LTB4R: variants seen among roughly 807,000 people sequenced by gnomAD.
LTB4R encodes the protein leukotriene B4 receptor 1.
For synonymous variants in LTB4R, 250 were observed against 230.7 expected (o/e 1.08, Z -0.76); for missense variants, 470 against 485.6 (o/e 0.97, Z 0.30).
chr14:24,316,711 G>A lies in LTB4R; in HGVS notation c.*1G>A. ...TCTCAAGTTAAACGAACTGAACTAG[G>A]CCTGGTGGAAGGAGGCGCACTTTCC... is the stretch of plus-strand genomic sequence containing the variant. On this transcript the variant is annotated 3_prime_UTR_variant, in exon 2 of 2. Transcript: ENST00000345363. 1 of 1,521,180 alleles carries A rather than the reference G, an allele frequency of 6.6e-7. No homozygotes were observed. The highest frequency in any genetic ancestry group is 1.2e-5 in the South Asian group (1 of 82,078). 94.2% of individuals were successfully genotyped at this position (1,521,180 alleles called of 1,614,324 possible).
chr14:24,314,027 T>G (rs1345081158), intron 1 of LTB4R: 1 of 152,230 alleles, frequency 6.6e-6, no homozygotes, highest in African/African-American at 2.4e-5. Context: ...CTGTTCCTGC[T>G]CCCTCACTCC....
chr14:24,316,453 A>G lies in LTB4R; in HGVS notation c.802A>G (p.Asn268Asp). The G allele has an allele frequency of 6.4e-7, 1 of 1,569,346 alleles. No homozygotes were observed. The highest frequency in any genetic ancestry group is 8.6e-7 in the Non-Finnish European group (1 of 1,160,284). Residue 268 changes from asparagine (N) to aspartate (D), a missense_variant, in exon 2 of 2, where the codon AAC becomes GAC. Asn to Asp is a conservative substitution (Grantham distance 23). Coordinates refer to ENST00000345363, the MANE Select transcript of LTB4R (RefSeq NM_001143919.3). The stretch of plus-strand genomic sequence containing the variant: ...GGGGAAGCGGCTGAGCCTGGCCCGC[A>G]ACGTGCTCATCGCACTCGCCTTCCT... Reference protein sequence around the residue: ...LVGKRLSLARNVLIALAFLSS... With the variant: ...LVGKRLSLARDVLIALAFLSS...
Position 24,316,313 on chromosome 14 carries a change from G to A in LTB4R, c.662G>A (p.Arg221His), listed in dbSNP as rs1320647524. The A allele has an allele frequency of 7.5e-6, 12 of 1,600,808 alleles. No individual in the cohort carries two copies. The highest frequency in any genetic ancestry group is 1.0e-5 in the Non-Finnish European group (12 of 1,175,406). ...RRFRRSRRTG[R>H]LVVLIILTFA... is the part of the protein sequence containing the mutation. ...TTCCGCCGCAGCCGCCGCACCGGCC[G>A]CCTGGTGGTGCTCATCATCCTGACC... Residue 221 changes from arginine (R) to histidine (H), a missense_variant, in exon 2 of 2, where the codon CGC becomes CAC. Physicochemically the swap from Arg to His is conservative, Grantham distance 29 (BLOSUM62 0). Coordinates refer to ENST00000345363, the MANE Select transcript of LTB4R (RefSeq NM_001143919.3).
intron 1 of LTB4R, chr14:24,314,204 T>G (rs2041750099): frequency 6.6e-6 from 1 of 152,214 alleles, no homozygotes; most frequent in Admixed American, 6.5e-5. Context: ...AGGTAGGTGC[T>G]TGGGGAAAGG....
Position 24,316,026 on chromosome 14 carries a change from C to G in LTB4R, c.375C>G (p.Ser125=). 6.2e-7 allele frequency: 1 copy of G among 1,613,790 alleles called. No individual in the cohort carries two copies. The highest frequency in any genetic ancestry group is 8.5e-7 in the Non-Finnish European group (1 of 1,180,016). ...RSLAVARPFV[S]QKLRTKAMAR... is the part of the protein sequence containing the mutation. The stretch of plus-strand genomic sequence containing the variant: ...TGGCGGTGGCCCGCCCCTTTGTGTC[C>G]CAGAAGCTACGCACCAAGGCGATGG... Residue 125 remains serine (S), a synonymous_variant, in exon 2 of 2, where the codon TCC becomes TCG. Transcript: ENST00000345363.
Position 24,316,277 on chromosome 14 carries a change from A to G in LTB4R, c.626A>G (p.Gln209Arg). 1 of 1,609,090 alleles carries G rather than the reference A, an allele frequency of 6.2e-7. No homozygotes were observed. The highest frequency in any genetic ancestry group is 8.5e-7 in the Non-Finnish European group (1 of 1,178,348). The stretch of plus-strand genomic sequence containing the variant: ...TACTCGGACATAGGGCGTCGGCTAC[A>G]GGCCCGGCGCTTCCGCCGCAGCCGC... ...ASYSDIGRRL[Q>R]ARRFRRSRRT... The change falls in exon 2 of 2, where the codon CAG becomes CGG. Residue 209 changes from glutamine to arginine, a missense_variant. Coordinates refer to ENST00000345363, the MANE Select transcript of LTB4R (RefSeq NM_001143919.3).
rs2041774957 is a variant in LTB4R at position 24,316,507 on chromosome 14, G to A, written c.856G>A (p.Ala286Thr). ...CAGCAGCGTGAACCCCGTGCTGTAC[G>A]CGTGCGCCGGCGGCGGCCTGCTGCG... ...LSSSVNPVLY[A>T]CAGGGLLRSA... is the part of the protein sequence containing the mutation. Residue 286 changes from alanine (A) to threonine (T), a missense_variant, in exon 2 of 2, where the codon GCG becomes ACG. Transcript: ENST00000345363. 2.0e-6 allele frequency: 3 copies of A among 1,493,708 alleles called. No individual in the cohort carries two copies. Among genetic ancestry groups the A allele is most frequent in the Non-Finnish European group, 2.7e-6 (3 of 1,128,770 alleles). The allele number at this position is 1,493,708 out of a possible 1,614,324, so 92.5% of individuals were successfully genotyped here.
At position 24,311,831 on chromosome 14, in the gene LTB4R, C is replaced by T. The variant is rs73591421; in HGVS notation, c.-16+27C>T. ...TCAGTGTTCTGGGACATTTGGGGAC[C>T]CTTCTTTGACTAGAGTTTGGATCTG... On this transcript the variant is annotated intron_variant, in intron 1 of 1. Coordinates refer to ENST00000345363, the MANE Select transcript of LTB4R (RefSeq NM_001143919.3). 474 of 1,187,202 alleles carry T rather than the reference C, an allele frequency of 4.0e-4. 1 individual carries two copies. In the African/African-American group the frequency reaches 6.6e-3, roughly 17 times the overall value. The allele number at this position is 1,187,202 out of a possible 1,614,324, so 73.5% of individuals were successfully genotyped here.
In LTB4R at chr14:24,315,854, T is replaced by G; in HGVS notation, c.203T>G (p.Leu68Trp). ...LNLALADLAV[L>W]LTAPFFLHFL... ...CTGGCCCTGGCCGACCTGGCCGTAT[T>G]GCTCACTGCTCCCTTTTTCCTTCAC... Residue 68 changes from leucine to tryptophan, a missense_variant, in exon 2 of 2, where the codon TTG becomes TGG. Coordinates refer to ENST00000345363, the MANE Select transcript of LTB4R (RefSeq NM_001143919.3). The G allele has an allele frequency of 5.0e-6, 8 of 1,614,218 alleles. No homozygotes were observed. Among genetic ancestry groups the G allele is most frequent in the Non-Finnish European group, 6.8e-6 (8 of 1,180,032 alleles).
rs780476851 is a variant in LTB4R at position 24,316,540 on chromosome 14, G to A, written c.889G>A (p.Gly297Ser). ...CAGGGLLRSA[G>S]VGFVAKLLEG... ...CGGCGGCGGCCTGCTGCGCTCGGCG[G>A]GCGTGGGCTTCGTCGCCAAGCTGCT... The change falls in exon 2 of 2, where the codon GGC becomes AGC. Residue 297 changes from glycine (G) to serine (S), a missense_variant. Transcript: ENST00000345363. 1 of 1,443,434 alleles carries A rather than the reference G, an allele frequency of 6.9e-7. No homozygotes were observed. The highest frequency in any genetic ancestry group is 9.0e-7 in the Non-Finnish European group (1 of 1,106,034). 89.4% of individuals were successfully genotyped at this position (1,443,434 alleles called of 1,614,324 possible).
chr14:24,316,628 G>A lies in LTB4R; in HGVS notation c.977G>A (p.Arg326Lys), dbSNP rs764735193. Residue 326 changes from arginine (R) to lysine (K), a missense_variant, in exon 2 of 2, where the codon AGG becomes AAG. Physicochemically the swap from Arg to Lys is conservative, Grantham distance 26 (BLOSUM62 2). Coordinates refer to ENST00000345363, the MANE Select transcript of LTB4R (RefSeq NM_001143919.3). ...GGGGGCAGCCTGGGCCAGACCGCTA[G>A]GAGCGGCCCCGCCGCTCTGGAGCCC... Reference protein sequence around the residue: ...RRGGSLGQTARSGPAALEPGP... With the variant: ...RRGGSLGQTAKSGPAALEPGP... 6.6e-7 allele frequency: 1 copy of A among 1,510,658 alleles called. No individual in the cohort carries two copies. Among genetic ancestry groups the A allele is most frequent in the African/African-American group, 1.5e-5 (1 of 68,954 alleles). The allele number at this position is 1,510,658 out of a possible 1,614,324, so 93.6% of individuals were successfully genotyped here.
In LTB4R at chr14:24,317,083, G is replaced by A. The variant is rs1417549528; in HGVS notation, c.*373G>A. ...TTTGGAAGGGACACAAAGAAACATA[G>A]ACTTCCCCCATCCCAGATGATTCCG... On this transcript the variant is annotated 3_prime_UTR_variant, in exon 2 of 2. Coordinates refer to ENST00000345363, the MANE Select transcript of LTB4R (RefSeq NM_001143919.3). The A allele has an allele frequency of 4.7e-6, 1 of 214,686 alleles. No homozygotes were observed. Among genetic ancestry groups the A allele is most frequent in the Non-Finnish European group, 1.0e-5 (1 of 98,612 alleles). 13.3% of individuals were successfully genotyped at this position (214,686 alleles called of 1,614,324 possible).
intron 1 of LTB4R, chr14:24,314,162 G>T (rs1230066335): frequency 6.6e-6 from 1 of 152,242 alleles, no homozygotes; most frequent in Non-Finnish European, 1.5e-5. Flanking sequence ...CATAAATCCA[G>T]ACTCAGCAGG....
chr14:24,312,549 A>G (rs1447653251), intron 1 of LTB4R, among the ~76,000 whole-genome samples: 2 of 152,212 alleles, frequency 1.3e-5, no homozygotes, highest in Non-Finnish European at 2.9e-5. Context: ...GAGGTTGGCC[A>G]TTGGGGTATG....
In LTB4R at chr14:24,316,699, G is replaced by T. The variant is rs1303150968; in HGVS notation, c.1048G>T (p.Glu350Ter). 3.3e-6 allele frequency: 5 copies of T among 1,532,884 alleles called. No individual in the cohort carries two copies. The highest frequency in any genetic ancestry group is 5.2e-5 in the East Asian group (2 of 38,276). The allele number at this position is 1,532,884 out of a possible 1,614,324, so 95.0% of individuals were successfully genotyped here. A position where few individuals can be genotyped will look rare whatever the true frequency, so the allele number is the denominator to read the frequency against. The change falls in exon 2 of 2, where the codon GAA becomes TAA. Residue 350 changes from glutamate to a stop codon, truncating the protein, a stop_gained. Coordinates refer to ENST00000345363, the MANE Select transcript of LTB4R (RefSeq NM_001143919.3). LOFTEE classifies it high-confidence loss of function. The part of the protein sequence containing the change: ...LTASSPLKLN[E>*]LN ...TGCCTCCAGCCCTCTCAAGTTAAAC[G>T]AACTGAACTAGGCCTGGTGGAAGGA...
chr14:24,316,684 CCT>C lies in LTB4R; in HGVS notation c.1037_1038del (p.Leu346GlnfsTer78), dbSNP rs759364766. 2.6e-6 allele frequency: 4 copies of C among 1,538,864 alleles called. No individual in the cohort carries two copies. The highest frequency in any genetic ancestry group is 2.8e-5 in the African/African-American group (2 of 70,916). ...TTCCGAGAGCCTCACTGCCTCCAGC[CCT>C]CTCAAGTTAAACGAACTGAACTAGG... ...GPSESLTASSPLKLNELN is the reference protein window; with the variant it reads ...GPSESLTASSXLKLNELN On this transcript the variant is annotated frameshift_variant, in exon 2 of 2. Coordinates refer to ENST00000345363, the MANE Select transcript of LTB4R (RefSeq NM_001143919.3). LOFTEE classifies it low-confidence loss of function (END_TRUNC).
At position 24,317,330 on chromosome 14, in the gene LTB4R, G is replaced by A. The variant is rs1391137722; in HGVS notation, c.*620G>A. The A allele has an allele frequency of 6.0e-6, 1 of 167,078 alleles. No homozygotes were observed. The highest frequency in any genetic ancestry group is 6.5e-5 in the Admixed American group (1 of 15,296). The allele number at this position is 167,078 out of a possible 1,614,324, so 10.3% of individuals were successfully genotyped here. A position where few individuals can be genotyped will look rare whatever the true frequency, so the allele number is the denominator to read the frequency against. On this transcript the variant is annotated 3_prime_UTR_variant, in exon 2 of 2. Coordinates refer to ENST00000345363, the MANE Select transcript of LTB4R (RefSeq NM_001143919.3). Reference sequence around the variant, plus strand: ...GCCAATAATCTTTGTCCTCTCCATAGGAGATGTTCTAGGGGATGCCTTCCT... The same window carrying A: ...GCCAATAATCTTTGTCCTCTCCATAAGAGATGTTCTAGGGGATGCCTTCCT...
In LTB4R at chr14:24,315,798, G is replaced by A. The variant is rs2041762868; in HGVS notation, c.147G>A (p.Lys49=). 3.1e-6 allele frequency: 5 copies of A among 1,614,264 alleles called. No homozygotes were observed. The highest frequency in any genetic ancestry group is 3.4e-6 in the Non-Finnish European group (4 of 1,180,050). ...VVWSILKRMQ[K]RSVTALMVLN... is the part of the protein sequence containing the mutation. Reference sequence around the variant, plus strand: ...GGAGTATCCTGAAAAGGATGCAGAAGCGCTCTGTCACTGCCCTGATGGTGC... The same window carrying A: ...GGAGTATCCTGAAAAGGATGCAGAAACGCTCTGTCACTGCCCTGATGGTGC... The change falls in exon 2 of 2, where the codon AAG becomes AAA. Residue 49 remains lysine (K), a synonymous_variant. Transcript: ENST00000345363.
chr14:24,316,287 C>T lies in LTB4R; in HGVS notation c.636C>T (p.Arg212=), dbSNP rs766285559. The change falls in exon 2 of 2, where the codon CGC becomes CGT. Residue 212 remains arginine, a synonymous_variant. Transcript: ENST00000345363. ...SDIGRRLQAR[R]FRRSRRTGRL... is the part of the protein sequence containing the mutation. ...TAGGGCGTCGGCTACAGGCCCGGCG[C>T]TTCCGCCGCAGCCGCCGCACCGGCC... The T allele has an allele frequency of 5.0e-6, 8 of 1,605,862 alleles. No homozygotes were observed. Among genetic ancestry groups the T allele is most frequent in the Non-Finnish European group, 6.8e-6 (8 of 1,177,040 alleles).
Sources: allele counts gnomAD v4.1 joint callset (sites outside exome capture counted in the v4.1 genomes callset), GRCh38; gene constraint gnomAD v4.1.1; transcripts MANE v1.5; gene names NCBI Gene and HGNC (gene_info 2026-07-23, HGNC 2026-07-21).